The following WDPCP variants were observed in gnomAD, a reference collection of about 807,000 sequenced individuals.
WDPCP encodes WD repeat-containing and planar cell polarity effector protein fritz homolog.
Under a neutral mutation model 93.1 loss-of-function variants are expected in WDPCP, and 71 were observed. The ratio of observed to expected loss-of-function variants is 0.76; its 90% CI spans 0.63 to 0.93. The LOEUF is 0.93. Among genes scored for constraint, WDPCP ranks in the 40% least tolerant of loss-of-function variants. The pLI is 0.00. For synonymous variants in WDPCP, 315 were observed against 315.0 expected, an observed-to-expected ratio of 1.00 and a Z score of 0.00; for missense variants, 844 against 887.4, an observed-to-expected ratio of 0.95 and a Z score of 0.62.
At chr2:63,828,720 A>G (rs775258321), upstream of WDPCP, among the ~76,000 whole-genome samples, 7 of 152,124 alleles carry the variant, frequency 4.6e-5, no homozygotes, top group African/African-American at 9.7e-5. Flanking sequence ...TCTTTGTGAC[A>G]ATGATACCTA....
intron 9 of WDPCP, among the ~76,000 whole-genome samples, chr2:63,415,507 G>A (rs1330100468): frequency 6.6e-6 from 1 of 152,112 alleles, no homozygotes. Flanking sequence ...CCCAAAGTTA[G>A]GTATTATAAT....
intron 1 of WDPCP, among the ~76,000 whole-genome samples, chr2:63,527,440 A>G (rs1703431737): frequency 2.1e-5 from 3 of 140,668 alleles, no homozygotes; most frequent in African/African-American, 8.0e-5. Flanking sequence ...TCACTGTTCA[A>G]TTCCCAGCTA....
chr2:63,658,761 G>T (rs1710194833), intron 2 of WDPCP, among the ~76,000 whole-genome samples: 1 of 152,136 alleles, frequency 6.6e-6, no homozygotes, highest in Admixed American at 6.5e-5. Context: ...GTGTTTCTGG[G>T]AATCCCTGAG....
chr2:63,494,254 T>C (rs1701068409), intron 1 of WDPCP, among the ~76,000 whole-genome samples: 2 of 149,764 alleles, frequency 1.3e-5, no homozygotes. Context: ...CAAAGAAGGA[T>C]AAGATTTCAC....
chr2:63,815,058 G>T (rs973824202), intron 1 of WDPCP, among the ~76,000 whole-genome samples: 1 of 152,094 alleles, frequency 6.6e-6, no homozygotes, highest in Admixed American at 6.5e-5. Flanking sequence ...GCAAAAGACT[G>T]GAGTGGTAAT....
intron 12 of WDPCP, among the ~76,000 whole-genome samples, chr2:63,364,511 G>A (rs146092405): frequency 1.4e-4 from 21 of 152,100 alleles, no homozygotes; most frequent in Admixed American, 1.2e-3. Flanking sequence ...TGATTTTCAC[G>A]GTTGTTTGTC....
chr2:63,688,680 C>G (rs1046590631), intron 2 of WDPCP, among the ~76,000 whole-genome samples: 1 of 151,908 alleles, frequency 6.6e-6, no homozygotes, highest in Non-Finnish European at 1.5e-5. Flanking sequence ...GATGGATACC[C>G]CCATTACCCT....
At chr2:63,664,279 G>A (rs1247170556) in intron 2 of WDPCP, among the ~76,000 whole-genome samples, 2 of 152,188 alleles carry the variant, frequency 1.3e-5, no homozygotes, top group African/African-American at 4.8e-5. Context: ...GTGAAAATGG[G>A]TGGCTGGAAG....
At chr2:63,137,133 C>A (rs1270697257) in intron 17 of WDPCP, among the ~76,000 whole-genome samples, 1 of 152,170 alleles carries the variant, frequency 6.6e-6, no homozygotes, top group Non-Finnish European at 1.5e-5. Context: ...GGAATCACTG[C>A]ACTCTCTTCC....
intron 2 of WDPCP, among the ~76,000 whole-genome samples, chr2:63,774,339 T>A (rs996248751): frequency 1.6e-4 from 25 of 152,146 alleles, no homozygotes; most frequent in African/African-American, 5.3e-4. Flanking sequence ...TTTGCTTTCA[T>A]CTTTACTGAA....
In WDPCP at chr2:63,428,737, C is replaced by A. The variant is rs187499718; in HGVS notation, c.825+5008G>T. Among the ~76,000 whole-genome samples, 7 of 152,020 alleles carry A rather than the reference C, an allele frequency of 4.6e-5. No individual in the cohort carries two copies. In the East Asian group the frequency reaches 1.4e-3, roughly 29 times the overall value. ...CTGGAAGTCCTTGCCAGGGTAATCA[C>A]GCAAGATTTTTCTACACCAGTAATG... On this transcript the variant is annotated intron_variant, in intron 9 of 17. Transcript: ENST00000272321.
chr2:63,752,328 C>T, intron 2 of WDPCP: 1 of 796,028 alleles, frequency 1.3e-6, no homozygotes, highest in Non-Finnish European at 2.2e-6. Context: ...ACCTTTTTCA[C>T]AGTTAGGTGG....
chr2:63,187,267 C>T (rs1674710174), intron 14 of WDPCP, among the ~76,000 whole-genome samples: 1 of 152,110 alleles, frequency 6.6e-6, no homozygotes, highest in Non-Finnish European at 1.5e-5. Flanking sequence ...ATCTAAAGTG[C>T]TTCTATGCAG....
intron 14 of WDPCP, chr2:63,229,362 A>G (rs1208180208): frequency 6.6e-6 from 1 of 151,744 alleles, no homozygotes; most frequent in Non-Finnish European, 1.5e-5. Flanking sequence ...GGTTGCAAAA[A>G]TTTTCTCCCA....
At chr2:63,823,440 T>C (rs969654686) in intron 1 of WDPCP, among the ~76,000 whole-genome samples, 2 of 151,960 alleles carry the variant, frequency 1.3e-5, no homozygotes, top group African/African-American at 2.4e-5. Flanking sequence ...GAGGCAGGGG[T>C]TGTAGTCAGC....
At chr2:63,752,197 CTT>C (rs367803359) in intron 2 of WDPCP, 1,285 of 568,578 alleles carry the variant, frequency 2.3e-3, no homozygotes, top group Middle Eastern at 4.8e-3. Flanking sequence ...GACAAAGCTC[CTT>C]TTTTTTTTTG....
At chr2:63,701,516 T>A (rs1669048644) in intron 2 of WDPCP, among the ~76,000 whole-genome samples, 1 of 152,170 alleles carries the variant, frequency 6.6e-6, no homozygotes, top group Non-Finnish European at 1.5e-5. Context: ...CCAAAAGAAA[T>A]GAAATCAGCA....
At chr2:63,570,013 A>AG (rs745561715) in intron 1 of WDPCP, among the ~76,000 whole-genome samples, 22 of 152,188 alleles carry the variant, frequency 1.4e-4, no homozygotes, top group Admixed American at 7.2e-4. Context: ...TTCTGTTAGT[A>AG]GGGCCATTTT....
intron 1 of WDPCP, among the ~76,000 whole-genome samples, chr2:63,502,270 T>C (rs1163374814): frequency 2.6e-5 from 4 of 152,248 alleles, no homozygotes; most frequent in Non-Finnish European, 5.9e-5. Flanking sequence ...ATATGTTCAA[T>C]TGAATAGTGA....
Sources: allele counts gnomAD v4.1 joint callset (sites outside exome capture counted in the v4.1 genomes callset), GRCh38; gene constraint gnomAD v4.1.1; transcripts MANE v1.5; gene names NCBI Gene and HGNC (gene_info 2026-07-23, HGNC 2026-07-21).